Variants in PHKA2 observed in about 807,000 individuals in gnomAD.
PHKA2 encodes the protein phosphorylase b kinase regulatory subunit alpha, liver isoform.
A neutral mutation model predicts 102.0 loss-of-function variants in PHKA2; 31 were observed. The observed-to-expected ratio is 0.30, with a 90% CI of 0.23 to 0.41. PHKA2 has a LOEUF of 0.41. Among genes scored for constraint, PHKA2 ranks in the 10% least tolerant of loss-of-function variants. The pLI is 1.00. For missense variants in PHKA2, 858 were observed against 1,023.1 expected (o/e 0.84, Z 2.20); for synonymous variants, 455 against 416.2 (o/e 1.09, Z -1.13).
chrX:18,945,383 ACT>A (rs774029072), intron 5 of PHKA2, among the ~76,000 whole-genome samples: 13 of 111,117 alleles, frequency 1.2e-4, no homozygotes, highest in Non-Finnish European at 2.5e-4. Flanking sequence ...ATGCCACAAC[ACT>A]CTCAAATTTC....
At chrX:18,930,683 C>T (rs760418097) in intron 12 of PHKA2, among the ~76,000 whole-genome samples, 1 of 111,403 alleles carries the variant, frequency 9.0e-6, no homozygotes, top group Non-Finnish European at 1.9e-5. Flanking sequence ...TATGCGTTTT[C>T]CCTACTAATA....
intron 11 of PHKA2, 149 bp downstream of exon 11, chrX:18,935,906 G>T (rs924402460): frequency 4.1e-6 from 2 of 491,805 alleles, no homozygotes; most frequent in African/African-American, 4.8e-5. Flanking sequence ...GTGAGCCACC[G>T]CGCCCAGCCT....
intron 1 of PHKA2, among the ~76,000 whole-genome samples, chrX:18,959,403 T>G (rs2048833218): frequency 8.9e-6 from 1 of 111,910 alleles, no homozygotes; most frequent in South Asian, 3.7e-4. Flanking sequence ...AATCTGCAAG[T>G]GAGTTCGATG....
At chrX:18,931,987 G>A (rs1292062788) in intron 11 of PHKA2, among the ~76,000 whole-genome samples, 1 of 112,232 alleles carries the variant, frequency 8.9e-6, no homozygotes, top group Non-Finnish European at 1.9e-5. Context: ...ACAGGCACAC[G>A]CAAGGCCACG....
At chrX:18,914,923 T>G (rs2047994260) in intron 19 of PHKA2, among the ~76,000 whole-genome samples, 1 of 111,285 alleles carries the variant, frequency 9.0e-6, no homozygotes, top group African/African-American at 3.3e-5. Flanking sequence ...AGGAGGACGC[T>G]CATGTGGAAG....
intron 1 of PHKA2, among the ~76,000 whole-genome samples, chrX:18,976,555 T>C (rs773804149): frequency 7.2e-5 from 8 of 111,873 alleles, no homozygotes; most frequent in Non-Finnish European, 1.5e-4. Flanking sequence ...ATAAAATATT[T>C]TGAGAGAGAG....
intron 11 of PHKA2, among the ~76,000 whole-genome samples, chrX:18,933,935 T>A (rs992198516): frequency 1.8e-5 from 2 of 112,142 alleles, no homozygotes; most frequent in Non-Finnish European, 3.8e-5. Context: ...AAAGCGTAGC[T>A]CTTAACACCT....
At chrX:18,979,694 G>T (rs2049143331) in intron 1 of PHKA2, among the ~76,000 whole-genome samples, 1 of 111,631 alleles carries the variant, frequency 9.0e-6, no homozygotes, top group African/African-American at 3.2e-5. Context: ...ATATTTAGCA[G>T]CAAGTATATT....
At position 18,947,212 on chromosome X, in the gene PHKA2, C is replaced by T. The variant is rs190389392; in HGVS notation, c.537+1532G>A. 7.4e-4 allele frequency among the ~76,000 whole-genome samples: 83 copies of T among 112,187 alleles called. 1 individual carries two copies. Among genetic ancestry groups the T allele is most frequent in the Admixed American group, 6.7e-3 (71 of 10,601 alleles). On this transcript the variant is annotated intron_variant, in intron 5 of 32. Coordinates refer to ENST00000379942, the MANE Select transcript of PHKA2 (RefSeq NM_000292.3). ...AGTAGCTGCGACAGAGACCCTAGGG[C>T]CTGTAAAGCCGACCATATTTACTCT... is the stretch of plus-strand genomic sequence containing the variant.
At chrX:18,900,633 C>G in intron 28 of PHKA2, 37 bp downstream of exon 28, 1 of 1,173,321 alleles carries the variant, frequency 8.5e-7, no homozygotes, top group South Asian at 1.8e-5. Context: ...CCAGAAAGAA[C>G]AGGAAGTAAA....
chrX:18,941,567 C>G lies in PHKA2; in HGVS notation c.826G>C (p.Val276Leu). The change falls in exon 8 of 33, where the codon GTA (valine) becomes CTA (leucine). Residue 276 changes from valine (V) to leucine (L), a missense_variant. Physicochemically the swap from Val to Leu is conservative, Grantham distance 32. Transcript: ENST00000379942. ...ATAATTTCATTTTTGGTCACATTTA[C>G]AAGGTTTACATCTTCCACTGCAAAG... ...PAFAVEDVNL[V>L]NVTKNEIISK... is the part of the protein sequence containing the mutation. 2 of 1,204,818 alleles carry G rather than the reference C, an allele frequency of 1.7e-6. No individual in the cohort carries two copies. The highest frequency in any genetic ancestry group is 2.2e-6 in the Non-Finnish European group (2 of 889,023).
intron 31 of PHKA2, 128 bp from the exon 32 acceptor site, chrX:18,894,532 T>C (rs1478656345): frequency 7.0e-6 from 4 of 572,514 alleles, no homozygotes; most frequent in Non-Finnish European, 8.8e-6. Flanking sequence ...GCTGCCCCTT[T>C]TCTGGCCACT....
chrX:18,973,033 CAT>C, intron 1 of PHKA2, among the ~76,000 whole-genome samples: 1 of 112,306 alleles, frequency 8.9e-6, no homozygotes, highest in South Asian at 3.7e-4. Flanking sequence ...GACGGAGTCT[CAT>C]TCTGTCGCCC....
chrX:18,959,996 T>C (rs1414308555), intron 1 of PHKA2, among the ~76,000 whole-genome samples: 1 of 111,217 alleles, frequency 9.0e-6, no homozygotes, highest in East Asian at 2.8e-4. Context: ...GCTGAACAGC[T>C]TGTCCTTTAT....
In PHKA2 at chrX:18,897,152, T is replaced by G. The variant is rs2047577755; in HGVS notation, c.3282+11A>C. ...CGGTTCACTTCCCCAGGAGCTCGCG[T>G]CTCGGCTTACCTTCTGGAGGATCTT... is the stretch of plus-strand genomic sequence containing the variant. On this transcript the variant is annotated intron_variant, in intron 30 of 32. Coordinates refer to ENST00000379942, the MANE Select transcript of PHKA2 (RefSeq NM_000292.3). 4.1e-6 allele frequency: 5 copies of G among 1,209,003 alleles called. No individual in the cohort carries two copies. Among genetic ancestry groups the G allele is most frequent in the Non-Finnish European group, 5.6e-6 (5 of 894,420 alleles).
At position 18,958,911 on chromosome X, in the gene PHKA2, T is replaced by A. The variant is rs147537842; in HGVS notation, c.79-4499A>T. Among the ~76,000 whole-genome samples the A allele has an allele frequency of 6.1e-3, 688 of 112,003 alleles. 5 individuals are homozygous for A. The highest frequency in any genetic ancestry group is 0.021 in the African/African-American group (654 of 30,798). Reference sequence around the variant, plus strand: ...TTTTAGTAGAGACAGGGTTTTCCCATGTTGGTCAGGCTGGTCTTGAACTCC... The same window carrying A: ...TTTTAGTAGAGACAGGGTTTTCCCAAGTTGGTCAGGCTGGTCTTGAACTCC... On this transcript the variant is annotated intron_variant, in intron 1 of 32. Coordinates refer to ENST00000379942, the MANE Select transcript of PHKA2 (RefSeq NM_000292.3).
chrX:18,909,159 T>C (rs1453074140), intron 20 of PHKA2, among the ~76,000 whole-genome samples: 1 of 112,316 alleles, frequency 8.9e-6, no homozygotes, highest in Admixed American at 9.4e-5. Context: ...GGTTAAAATA[T>C]ATGTGAGTTT....
Position 18,893,330 on chromosome X carries a change from A to C in PHKA2, c.*155T>G, listed in dbSNP as rs2047461173. 2 of 553,220 alleles carry C rather than the reference A, an allele frequency of 3.6e-6. No individual in the cohort carries two copies. The highest frequency in any genetic ancestry group is 2.3e-5 in the African/African-American group (1 of 43,944). 45.6% of individuals were successfully genotyped at this position (553,220 alleles called of 1,213,427 possible). ...TATCTCTGTGGCTTTAACATACATC[A>C]GTTTCAGGGTGAGTGCTACCATTGC... On this transcript the variant is annotated 3_prime_UTR_variant, in exon 33 of 33. Coordinates refer to ENST00000379942, the MANE Select transcript of PHKA2 (RefSeq NM_000292.3).
rs1377647171 is a variant in PHKA2 at position 18,893,033 on chromosome X, T to C, written c.*452A>G. The C allele has an allele frequency of 1.6e-5, 3 of 189,458 alleles. No individual in the cohort carries two copies. In the East Asian group the frequency reaches 3.7e-4, roughly 23 times the overall value. 15.6% of individuals were successfully genotyped at this position (189,458 alleles called of 1,213,427 possible). On this transcript the variant is annotated 3_prime_UTR_variant, in exon 33 of 33. Transcript: ENST00000379942. ...TTTGGTGCACAGACAGACTGCATCC[T>C]GTGAAGAGGTGGCCCTTGTCAAGGC...
Sources: gnomAD v4.1 joint callset for allele counts (sites outside exome capture counted in the v4.1 genomes callset) on GRCh38, gnomAD v4.1.1 for gene constraint, MANE v1.5 for transcripts, NCBI Gene and HGNC (gene_info 2026-07-23, HGNC 2026-07-21) for gene names.